The following NTM variants were observed in gnomAD, a reference collection of about 807,000 sequenced individuals.
NTM encodes the protein IgLON family member 2.
In NTM, 13 loss-of-function variants were observed where a neutral mutation model predicts 42.1. The ratio of observed to expected loss-of-function variants is 0.31; its 90% CI spans 0.20 to 0.49. NTM has a LOEUF of 0.49. Among genes scored for constraint, NTM ranks in the 20% least tolerant of loss-of-function variants. The pLI, the probability that NTM is intolerant of heterozygous loss-of-function variation, is 0.99. For missense variants in NTM, 373 were observed against 452.8 expected, an observed-to-expected ratio of 0.82 and a Z score of 1.60; for synonymous variants, 187 against 179.2, an observed-to-expected ratio of 1.04 and a Z score of -0.35.
At chr11:131,817,195 G>A (rs2092985984) in intron 1 of NTM, among the ~76,000 whole-genome samples, 1 of 152,182 alleles carries the variant, frequency 6.6e-6, no homozygotes, top group African/African-American at 2.4e-5. Context: ...CATCCAGGCT[G>A]TTCTGAGTAC....
intron 1 of NTM, among the ~76,000 whole-genome samples, chr11:131,527,828 T>C (rs771208855): frequency 6.6e-6 from 1 of 152,166 alleles, no homozygotes; most frequent in South Asian, 2.1e-4. Context: ...TTCCAGGATT[T>C]AACAATCTGA....
intron 1 of NTM, chr11:131,794,935 G>A: frequency 2.0e-6 from 2 of 985,310 alleles, no homozygotes; most frequent in Non-Finnish European, 2.4e-6. Context: ...TTTGGAGTTA[G>A]GGGAACCTGA....
intron 1 of NTM, among the ~76,000 whole-genome samples, chr11:131,810,826 G>T (rs930208391): frequency 5.3e-5 from 8 of 152,204 alleles, no homozygotes; most frequent in South Asian, 2.1e-4. Flanking sequence ...ATTCAGTGCT[G>T]GAATTTTCTT....
intron 1 of NTM, among the ~76,000 whole-genome samples, chr11:131,899,471 A>G (rs555125565): frequency 6.6e-6 from 1 of 152,296 alleles, no homozygotes; most frequent in African/African-American, 2.4e-5. Flanking sequence ...TAATTGAAGT[A>G]TCCCCAGCCA....
intron 1 of NTM, among the ~76,000 whole-genome samples, chr11:131,744,624 T>TA (rs1422537864): frequency 2.0e-5 from 3 of 151,520 alleles, no homozygotes; most frequent in African/African-American, 7.3e-5. Context: ...AATGTTTTTT[T>TA]TAAAAAAAAG....
intron 1 of NTM, among the ~76,000 whole-genome samples, chr11:131,702,649 T>C (rs789522): frequency 0.2 from 30,609 of 152,068 alleles, 3,356 homozygotes; most frequent in African/African-American, 0.27. Context: ...TAAATACTAT[T>C]GAGATACCAT....
chr11:132,198,852 C>A (rs570660749), intron 3 of NTM, among the ~76,000 whole-genome samples: 1 of 152,212 alleles, frequency 6.6e-6, no homozygotes, highest in Non-Finnish European at 1.5e-5. Flanking sequence ...ACAGAGTTGG[C>A]AAATTTTGAA....
chr11:131,509,162 G>GA (rs1414427736), intron 1 of NTM, among the ~76,000 whole-genome samples: 1 of 152,172 alleles, frequency 6.6e-6, no homozygotes, highest in East Asian at 1.9e-4. Context: ...GAGGATGCCA[G>GA]CTGATGCTCC....
chr11:131,428,556 C>T lies in NTM; in HGVS notation c.82+57668C>T, dbSNP rs532117474. On this transcript the variant is annotated intron_variant, in intron 1 of 8. Transcript: ENST00000683400. The stretch of plus-strand genomic sequence containing the variant: ...CCACCTCCTCGTGGTCACTCCCACA[C>T]GACATGCTTCCCCCTCTTTGTGTCA... Among the ~76,000 whole-genome samples the T allele has an allele frequency of 3.3e-4, 51 of 152,262 alleles. 1 individual carries two copies. Among genetic ancestry groups the T allele is most frequent in the East Asian group, 2.3e-3 (12 of 5,168 alleles).
intron 1 of NTM, among the ~76,000 whole-genome samples, chr11:131,600,760 CACA>C (rs1270667922): frequency 6.6e-6 from 1 of 152,130 alleles, no homozygotes; most frequent in Non-Finnish European, 1.5e-5. Context: ...CCTGTCCAGA[CACA>C]ACAAGAAGCA....
At chr11:131,970,469 G>A (rs993012107) in intron 2 of NTM, among the ~76,000 whole-genome samples, 1 of 152,124 alleles carries the variant, frequency 6.6e-6, no homozygotes, top group African/African-American at 2.4e-5. Flanking sequence ...TATCCTTCCC[G>A]AATTGGGCCA....
At chr11:131,481,796 G>A (rs539157675) in intron 1 of NTM, among the ~76,000 whole-genome samples, 2 of 151,938 alleles carry the variant, frequency 1.3e-5, no homozygotes, top group East Asian at 1.9e-4. Flanking sequence ...CCCCACCTTA[G>A]GTTAAAAAAA....
chr11:132,295,120 T>C (rs1565409926), intron 4 of NTM, among the ~76,000 whole-genome samples: 1 of 151,902 alleles, frequency 6.6e-6, no homozygotes, highest in African/African-American at 2.4e-5. Flanking sequence ...TCTCTCTCTC[T>C]CTCTGTCTCT....
intron 2 of NTM, among the ~76,000 whole-genome samples, chr11:132,048,860 C>T (rs1026543354): frequency 1.7e-4 from 25 of 144,880 alleles, no homozygotes; most frequent in Non-Finnish European, 2.8e-4. Flanking sequence ...ACATGAAAAC[C>T]GTGTACTCTT....
intron 3 of NTM, among the ~76,000 whole-genome samples, chr11:132,165,068 C>T (rs1345028739): frequency 6.6e-6 from 1 of 152,146 alleles, no homozygotes; most frequent in Non-Finnish European, 1.5e-5. Context: ...CCCACCCAGG[C>T]CTGGGGCTTT....
chr11:132,152,032 C>T (rs911342744), intron 3 of NTM, among the ~76,000 whole-genome samples: 1 of 152,192 alleles, frequency 6.6e-6, no homozygotes, highest in Non-Finnish European at 1.5e-5. Flanking sequence ...AGCAAAAGCT[C>T]ATTATTATGA....
At chr11:132,010,476 G>T (rs943346225) in intron 2 of NTM, among the ~76,000 whole-genome samples, 2 of 152,098 alleles carry the variant, frequency 1.3e-5, no homozygotes, top group African/African-American at 4.8e-5. Context: ...TCGGACCTCT[G>T]CTATACTTCT....
At chr11:131,641,139 G>T (rs556879103) in intron 1 of NTM, among the ~76,000 whole-genome samples, 21 of 152,276 alleles carry the variant, frequency 1.4e-4, no homozygotes, top group African/African-American at 4.8e-4. Flanking sequence ...GGTCAGACTT[G>T]CATTCTTTAC....
chr11:132,298,895 C>T (rs1173595331), intron 4 of NTM, among the ~76,000 whole-genome samples: 2 of 150,090 alleles, frequency 1.3e-5, no homozygotes, highest in Non-Finnish European at 3.0e-5. Context: ...TGTGTGTATA[C>T]ACACACACAC....
Sources: gnomAD v4.1 joint callset for allele counts (sites outside exome capture counted in the v4.1 genomes callset) on GRCh38, gnomAD v4.1.1 for gene constraint, MANE v1.5 for transcripts, NCBI Gene and HGNC (gene_info 2026-07-23, HGNC 2026-07-21) for gene names.